Variants in CUL9 observed in about 807,000 individuals in gnomAD.
The protein encoded by CUL9 is cullin 9.
CUL9 carries 79 observed loss-of-function variants against 272.6 expected under a neutral mutation model. The ratio of observed to expected loss-of-function variants is 0.29; its 90% CI spans 0.24 to 0.35. CUL9 has a LOEUF of 0.35. CUL9 is among the 10% of genes least tolerant of loss of function. The pLI, the probability that CUL9 is intolerant of heterozygous loss-of-function variation, is 1.00. For synonymous variants in CUL9, 1,186 were observed against 1,286.5 expected, an observed-to-expected ratio of 0.92 and a Z score of 1.67; for missense variants, 2,532 against 3,255.6, an observed-to-expected ratio of 0.78 and a Z score of 5.41.
chr6:43,205,080 G>A lies in CUL9; in HGVS notation c.4597G>A (p.Ala1533Thr), dbSNP rs146080256. 132 of 1,602,830 alleles carry A rather than the reference G, an allele frequency of 8.2e-5. No homozygotes were observed. Among genetic ancestry groups the A allele is most frequent in the Non-Finnish European group, 1.0e-4 (121 of 1,174,688 alleles). ...GGCTCTGCGCAGTGGCTTCTCTGGC[G>A]CCTTGCTGCAGCAGTCCTTCCTCAC... Reference protein sequence around the residue: ...MLALRSGFSGALLQQSFLTAA... With the variant: ...MLALRSGFSGTLLQQSFLTAA... Residue 1533 changes from alanine (A) to threonine (T), a missense_variant, in exon 23 of 41, where the codon GCC becomes ACC. Physicochemically the swap from Ala to Thr is moderately conservative, Grantham distance 58. Transcript: ENST00000252050.
rs1773058208 is a variant in CUL9, at chr6:43,187,741, T to A, written c.1610T>A (p.Ile537Asn). Residue 537 changes from isoleucine (I) to asparagine (N), a missense_variant, in exon 7 of 41, where the codon ATC becomes AAC. By Grantham distance (149) the Ile-to-Asn change is moderately radical. This residue lies in a region of CUL9 where 2,218 missense variants were observed against 2,788.6 expected (regional missense o/e 0.80). Transcript: ENST00000252050. ...CTGGGTGAAAAGGCCCTAGGTGAGA[T>A]CTCTGTGTCCGTGGAAATGGCCGAG... ...ETLGEKALGE[I>N]SVSVEMAESL... 2 of 1,612,866 alleles carry A rather than the reference T, an allele frequency of 1.2e-6. No homozygotes were observed. The highest frequency in any genetic ancestry group is 1.7e-6 in the Non-Finnish European group (2 of 1,179,920).
At chr6:43,195,571 T>A (rs578048565) in intron 9 of CUL9, among the ~76,000 whole-genome samples, 1 of 152,290 alleles carries the variant, frequency 6.6e-6, no homozygotes, top group South Asian at 2.1e-4. Flanking sequence ...CCTTAGTTCC[T>A]TGGGGCAAAG....
rs1776111427 is a variant in CUL9 at position 43,218,641 on chromosome 6, C to T, written c.6283-1818C>T. ...AGACAAGAGATGGTGGTAGTTTGGA[C>T]TGGGGCAGTGGCGATGAGAGAGGGT... On this transcript the variant is annotated intron_variant, in intron 31 of 40. Coordinates refer to ENST00000252050, the MANE Select transcript of CUL9 (RefSeq NM_015089.4). The surrounding 1 kb of genome is among the most constrained non-coding windows in gnomAD (Gnocchi z 4.4). Among the ~76,000 whole-genome samples the T allele has an allele frequency of 6.6e-6, 1 of 152,154 alleles. No homozygotes were observed. Among genetic ancestry groups the T allele is most frequent in the Admixed American group, 6.6e-5 (1 of 15,260 alleles).
chr6:43,221,538 C>G lies in CUL9; in HGVS notation c.6753-147C>G. The G allele has an allele frequency of 2.3e-6, 2 of 864,766 alleles. No individual in the cohort carries two copies. The highest frequency in any genetic ancestry group is 3.3e-5 in the South Asian group (2 of 60,016). The allele number at this position is 864,766 out of a possible 1,614,324, so 53.6% of individuals were successfully genotyped here. On this transcript the variant is annotated intron_variant, in intron 34 of 40. Transcript: ENST00000252050. This position sits in a 1 kb window ranked among gnomAD's most constrained non-coding sequence, Gnocchi z 4.2. ...CTGGGGGAGTTCAAAAGCAGAGGTG[C>G]ATTCAGCAGGGCTGGGTATGACTAA... is the stretch of plus-strand genomic sequence containing the variant.
chr6:43,221,606 G>A lies in CUL9; in HGVS notation c.6753-79G>A, dbSNP rs1287079963. On this transcript the variant is annotated intron_variant, in intron 34 of 40. Coordinates refer to ENST00000252050, the MANE Select transcript of CUL9 (RefSeq NM_015089.4). This position sits in a 1 kb window ranked among gnomAD's most constrained non-coding sequence, Gnocchi z 4.2. ...GAGCAGAGGCCACAGCATCAACAGC[G>A]GTACATCTGGGCCCTTGGCATTCCT... 12 of 1,303,688 alleles carry A rather than the reference G, an allele frequency of 9.2e-6. No individual in the cohort carries two copies. The highest frequency in any genetic ancestry group is 4.7e-5 in the East Asian group (2 of 42,948). 80.8% of individuals were successfully genotyped at this position (1,303,688 alleles called of 1,614,324 possible). A position where few individuals can be genotyped will look rare whatever the true frequency, so the allele number is the denominator to read the frequency against.
In CUL9 at chr6:43,215,141, G is replaced by A; in HGVS notation, c.5751G>A (p.Gly1917=). ...GAACCCTGGGCCACACTGTTGCTGG[G>A]GGTGTGGCCTGTACCAGTACAGATG... The part of the protein sequence containing the change: ...PPGTLGHTVA[G]GVACTSTDVL... The change falls in exon 30 of 41, where the codon GGG becomes GGA. Residue 1917 remains glycine, a synonymous_variant. Transcript: ENST00000252050. 1.2e-6 allele frequency: 2 copies of A among 1,614,128 alleles called. No homozygotes were observed. The highest frequency in any genetic ancestry group is 1.7e-6 in the Non-Finnish European group (2 of 1,179,990).
rs749776208 is a variant in CUL9 at position 43,203,433 on chromosome 6, G to A, written c.3866G>A (p.Arg1289Gln). ...KRCQQGGIDT[R>Q]VRGVEVLGPK... Reference sequence around the variant, plus strand: ...ATGTTCCAGGGCGGCATTGACACCCGGGTTCGGGGTGTGGAGGTCCTGGGC... The same window carrying A: ...ATGTTCCAGGGCGGCATTGACACCCAGGTTCGGGGTGTGGAGGTCCTGGGC... The change falls in exon 19 of 41, where the codon CGG (arginine) becomes CAG (glutamine). Residue 1289 changes from arginine to glutamine, a missense_variant. Arg to Gln is a conservative substitution (Grantham distance 43, BLOSUM62 1). Around this residue, in one of 3 missense-constraint regions of CUL9, gnomAD observed 2,218 missense variants for 2,788.6 expected, o/e 0.80. Transcript: ENST00000252050. The surrounding 1 kb of genome is among the most constrained non-coding windows in gnomAD (Gnocchi z 5.0). 6.2e-6 allele frequency: 10 copies of A among 1,614,018 alleles called. No homozygotes were observed. The highest frequency in any genetic ancestry group is 8.5e-6 in the Non-Finnish European group (10 of 1,180,030).
In CUL9 at chr6:43,220,773, T is replaced by C. The variant is rs41274934; in HGVS notation, c.6450T>C (p.Tyr2150=). 4,612 of 1,613,184 alleles carry C rather than the reference T, an allele frequency of 2.9e-3. 9 individuals carry two copies. The highest frequency in any genetic ancestry group is 3.6e-3 in the Non-Finnish European group (4,232 of 1,179,964). The part of the protein sequence containing the change: ...SKYEKALLRG[Y]VESCSNLTWC... ...ATGAGAAGGCGCTCCTGCGTGGCTA[T>C]GTGGAGAGCTGCTCCAACCTGACCT... Residue 2150 remains tyrosine, a synonymous_variant, in exon 33 of 41, where the codon TAT becomes TAC. Coordinates refer to ENST00000252050, the MANE Select transcript of CUL9 (RefSeq NM_015089.4). The surrounding 1 kb of genome is among the most constrained non-coding windows in gnomAD (Gnocchi z 4.9).
At position 43,206,472 on chromosome 6, in the gene CUL9, G is replaced by A. The variant is rs1317595560; in HGVS notation, c.5174G>A (p.Cys1725Tyr). The A allele has an allele frequency of 1.9e-6, 3 of 1,614,228 alleles. No individual in the cohort carries two copies. The highest frequency in any genetic ancestry group is 2.5e-6 in the Non-Finnish European group (3 of 1,180,048). ...HPRKCLPTEF[C>Y]DALDRFSSFY... is the part of the protein sequence containing the mutation. Reference sequence around the variant, plus strand: ...AGAAAGTGCCTTCCCACAGAATTCTGTGATGCCCTTGACCGTTTCTCCAGT... The same window carrying A: ...AGAAAGTGCCTTCCCACAGAATTCTATGATGCCCTTGACCGTTTCTCCAGT... Residue 1725 changes from cysteine to tyrosine, a missense_variant, in exon 26 of 41, where the codon TGT (cysteine) becomes TAT (tyrosine). Cys to Tyr is a radical substitution (Grantham distance 194). This residue lies in a region of CUL9 where 2,218 missense variants were observed against 2,788.6 expected (regional missense o/e 0.80). Transcript: ENST00000252050. This position sits in a 1 kb window ranked among gnomAD's most constrained non-coding sequence, Gnocchi z 4.8.
Position 43,196,183 on chromosome 6 carries a change from A to G in CUL9, c.2503A>G (p.Ile835Val), listed in dbSNP as rs1233968949. The change falls in exon 10 of 41, where the codon ATC becomes GTC. Residue 835 changes from isoleucine (I) to valine (V), a missense_variant. Ile to Val is a conservative substitution (Grantham distance 29, BLOSUM62 3). This residue lies in a region of CUL9 where 2,218 missense variants were observed against 2,788.6 expected (regional missense o/e 0.80). Coordinates refer to ENST00000252050, the MANE Select transcript of CUL9 (RefSeq NM_015089.4). ...GATGACCAGAGAGATCTTCGCCAGC[A>G]TCGACTCAGCCACACGCCCGGGCTC... ...AQMTREIFAS[I>V]DSATRPGSES... 20 of 1,614,162 alleles carry G rather than the reference A, an allele frequency of 1.2e-5. No homozygotes were observed. Among genetic ancestry groups the G allele is most frequent in the Admixed American group, 6.7e-5 (4 of 60,026 alleles).
intron 8 of CUL9, among the ~76,000 whole-genome samples, chr6:43,191,688 G>A (rs1285971648): frequency 2.0e-5 from 3 of 151,506 alleles, no homozygotes; most frequent in Admixed American, 2.0e-4. Flanking sequence ...GGGTTCAAGC[G>A]ATTCTCCTGC....
intron 26 of CUL9, among the ~76,000 whole-genome samples, chr6:43,212,061 C>T (rs939910513): frequency 1.3e-4 from 20 of 152,244 alleles, no homozygotes; most frequent in Admixed American, 7.2e-4. Flanking sequence ...CATTCACAGG[C>T]TGGATTTTCC....
Position 43,196,185 on chromosome 6 carries a change from C to T in CUL9, c.2505C>T (p.Ile835=), listed in dbSNP as rs897441378. The T allele has an allele frequency of 8.1e-6, 13 of 1,614,172 alleles. No homozygotes were observed. Among genetic ancestry groups the T allele is most frequent in the Admixed American group, 1.7e-5 (1 of 60,020 alleles). The change falls in exon 10 of 41, where the codon ATC becomes ATT. Residue 835 remains isoleucine (I), a synonymous_variant. Coordinates refer to ENST00000252050, the MANE Select transcript of CUL9 (RefSeq NM_015089.4). ...AQMTREIFAS[I]DSATRPGSES... is the part of the protein sequence containing the mutation. ...TGACCAGAGAGATCTTCGCCAGCATCGACTCAGCCACACGCCCGGGCTCTG... is the reference window on the plus strand; with the variant it reads ...TGACCAGAGAGATCTTCGCCAGCATTGACTCAGCCACACGCCCGGGCTCTG...
chr6:43,198,181 C>T (rs751157193), intron 11 of CUL9: 659 of 790,818 alleles, frequency 8.3e-4, no homozygotes, highest in Non-Finnish European at 9.3e-4. Context: ...TTGGAGGTCA[C>T]AGTGAGCCAA....
In CUL9 at chr6:43,218,297, A is replaced by G. The variant is rs965655688; in HGVS notation, c.6282+1794A>G. The stretch of plus-strand genomic sequence containing the variant: ...AGTGGCGCGATCTCGGCTCATTGCA[A>G]CCTCCATCTCCCGGGTTCAAGCGAT... On this transcript the variant is annotated intron_variant, in intron 31 of 40. Coordinates refer to ENST00000252050, the MANE Select transcript of CUL9 (RefSeq NM_015089.4). This position sits in a 1 kb window ranked among gnomAD's most constrained non-coding sequence, Gnocchi z 4.4. Among the ~76,000 whole-genome samples the G allele has an allele frequency of 6.6e-6, 1 of 151,938 alleles. No homozygotes were observed. Among genetic ancestry groups the G allele is most frequent in the Non-Finnish European group, 1.5e-5 (1 of 68,008 alleles).
chr6:43,205,025 G>A lies in CUL9; in HGVS notation c.4542G>A (p.Glu1514=). 1 of 1,613,234 alleles carries A rather than the reference G, an allele frequency of 6.2e-7. No homozygotes were observed. The change falls in exon 23 of 41, where the codon GAG becomes GAA. Residue 1514 remains glutamate, a synonymous_variant. Coordinates refer to ENST00000252050, the MANE Select transcript of CUL9 (RefSeq NM_015089.4). ...LYEHLQRAGS[E]LFGPRAAFML... ...AGCACTTGCAGAGAGCAGGCTCCGA[G>A]CTGTTTGGGCCTCGGGCAGCCTTCA...
rs898395445 is a variant in CUL9 at position 43,194,314 on chromosome 6, TTTTTC to T, written c.2388+1121_2388+1125del. ...TTTTCTCTTTTTTTTTCTTTTTTCTTTTTTCTTTTCTTTTCTTTTTCTTTGACGGA... is the reference window on the plus strand; with the variant it reads ...TTTTCTCTTTTTTTTTCTTTTTTCTTTTTTCTTTTCTTTTTCTTTGACGGA... On this transcript the variant is annotated intron_variant, in intron 9 of 40. Transcript: ENST00000252050. Among the ~76,000 whole-genome samples the T allele has an allele frequency of 1.1e-4, 17 of 151,978 alleles. No individual in the cohort carries two copies. In the South Asian group the frequency reaches 2.1e-3, roughly 19 times the overall value.
At chr6:43,196,382 A>G in intron 10 of CUL9, 117 bp downstream of exon 10, 2 of 1,072,606 alleles carry the variant, frequency 1.9e-6, no homozygotes, top group South Asian at 3.2e-5. Flanking sequence ...CTCCGGATTA[A>G]GCATTGGTGG....
rs371975132 is a variant in CUL9 at position 43,196,089 on chromosome 6, C to T, written c.2409C>T (p.Val803=). The change falls in exon 10 of 41, where the codon GTC becomes GTT. Residue 803 remains valine, a synonymous_variant. Transcript: ENST00000252050. Reference sequence around the variant, plus strand: ...CACAGGCACTGAAGATGCTGGCCGTCGCCAGCTCCTCGGAGATCCCCACTT... The same window carrying T: ...CACAGGCACTGAAGATGCTGGCCGTTGCCAGCTCCTCGGAGATCCCCACTT... ...AGLAALKMLA[V]ASSSEIPTFV... is the part of the protein sequence containing the mutation. 19 of 1,613,222 alleles carry T rather than the reference C, an allele frequency of 1.2e-5. No individual in the cohort carries two copies. The highest frequency in any genetic ancestry group is 8.0e-5 in the African/African-American group (6 of 74,888).
Sources: gnomAD v4.1 joint callset for allele counts (sites outside exome capture counted in the v4.1 genomes callset) on GRCh38, gnomAD v4.1.1 for gene constraint, gnomAD v4.1.1 regional missense constraint, Gnocchi (gnomAD v3.1) non-coding constraint, MANE v1.5 for transcripts, NCBI Gene and HGNC (gene_info 2026-07-23, HGNC 2026-07-21) for gene names.